Variants in MARVELD2 observed in about 807,000 individuals in gnomAD.
MARVELD2 encodes the protein MARVEL domain-containing protein 2.
Under a neutral mutation model 57.6 loss-of-function variants are expected in MARVELD2, and 49 were observed. The observed-to-expected ratio is 0.85, with a 90% CI of 0.68 to 1.08. The LOEUF (loss-of-function observed/expected upper bound fraction) is 1.08, where lower values mean the gene tolerates loss of function less well. Ranked by LOEUF, MARVELD2 falls within the 50% of genes least tolerant of loss-of-function variation. The probability of loss-of-function intolerance (pLI) is 0.00; values close to 1 mark genes in which losing one functional copy is unlikely to be tolerated. For synonymous variants in MARVELD2, 238 were observed against 258.8 expected (o/e 0.92, Z 0.77); for missense variants, 606 against 701.1 (o/e 0.86, Z 1.53).
chr5:69,427,402 T>A (rs1240947285), intron 3 of MARVELD2, among the ~76,000 whole-genome samples: 14 of 151,242 alleles, frequency 9.3e-5, no homozygotes, highest in Non-Finnish European at 2.9e-5. Flanking sequence ...CTATATCTTT[T>A]CCTTTTTTTT....
At chr5:69,424,937 A>C (rs1766738268) in intron 3 of MARVELD2, among the ~76,000 whole-genome samples, 2 of 152,070 alleles carry the variant, frequency 1.3e-5, no homozygotes, top group African/African-American at 4.8e-5. Flanking sequence ...AGGCACGAGA[A>C]CCACTTGAAT....
intron 3 of MARVELD2, 108 bp downstream of exon 3, chr5:69,424,744 G>T: frequency 1.1e-6 from 1 of 915,170 alleles, no homozygotes; most frequent in Non-Finnish European, 1.7e-6. Context: ...GTAGCTATTG[G>T]CCAGGTGTGG....
Position 69,419,900 on chromosome 5 carries a change from A to G in MARVELD2, c.515A>G (p.Tyr172Cys). 6.2e-7 allele frequency: 1 copy of G among 1,614,116 alleles called. No homozygotes were observed. Among genetic ancestry groups the G allele is most frequent in the South Asian group, 1.1e-5 (1 of 91,076 alleles). The change falls in exon 2 of 7, where the codon TAC (tyrosine) becomes TGC (cysteine). Residue 172 changes from tyrosine (Y) to cysteine (C), a missense_variant. By Grantham distance (194) the Tyr-to-Cys change is radical. Coordinates refer to ENST00000325631, the MANE Select transcript of MARVELD2 (RefSeq NM_001038603.3). Reference sequence around the variant, plus strand: ...CGACACACACAAACAGTTCGAACATACAGTGAGAAGGTGGAGGAGTATAAC... The same window carrying G: ...CGACACACACAAACAGTTCGAACATGCAGTGAGAAGGTGGAGGAGTATAAC... ...LDRHTQTVRT[Y>C]SEKVEEYNLR...
intron 6 of MARVELD2, among the ~76,000 whole-genome samples, 173 bp from the exon 7 acceptor site, chr5:69,441,358 TA>T (rs762019456): frequency 5.8e-4 from 85 of 146,386 alleles, no homozygotes; most frequent in Non-Finnish European, 6.9e-4. Context: ...AAAACTGCTC[TA>T]AAAAAAAAAG....
Position 69,420,694 on chromosome 5 carries a change from G to T in MARVELD2, c.1146+163G>T, listed in dbSNP as rs1255356480. 3.3e-5 allele frequency among the ~76,000 whole-genome samples: 5 copies of T among 149,714 alleles called. No homozygotes were observed. In the Admixed American group the frequency reaches 3.3e-4, roughly 10 times the overall value. ...AATGGTCTGAGATTCAAAAGTCCTA[G>T]TGCAATATCTGACATGCTTTGACTG... On this transcript the variant is annotated intron_variant, in intron 2 of 6. Coordinates refer to ENST00000325631, the MANE Select transcript of MARVELD2 (RefSeq NM_001038603.3).
At chr5:69,424,932 C>T (rs1186326759) in intron 3 of MARVELD2, among the ~76,000 whole-genome samples, 8 of 151,384 alleles carry the variant, frequency 5.3e-5, no homozygotes, top group Admixed American at 6.6e-5. Flanking sequence ...GGCTGAGGCA[C>T]GAGAACCACT....
chr5:69,438,582 C>T (rs1251675319), intron 5 of MARVELD2, among the ~76,000 whole-genome samples: 2 of 151,742 alleles, frequency 1.3e-5, no homozygotes, highest in East Asian at 3.9e-4. Context: ...ACTGCATCTA[C>T]ACACAAAAAA....
chr5:69,440,368 G>T, intron 5 of MARVELD2, 82 bp from the exon 6 acceptor site: 3 of 710,044 alleles, frequency 4.2e-6, no homozygotes, highest in Non-Finnish European at 7.4e-6. Flanking sequence ...ATTATTTTTT[G>T]TTCTAATTCT....
At chr5:69,416,077 C>T (rs974789127) in intron 1 of MARVELD2, among the ~76,000 whole-genome samples, 1 of 152,142 alleles carries the variant, frequency 6.6e-6, no homozygotes, top group Admixed American at 6.5e-5. Context: ...TTCAAATAAG[C>T]CACTTCACAG....
intron 3 of MARVELD2, among the ~76,000 whole-genome samples, chr5:69,431,055 A>G (rs1766947716): frequency 6.7e-6 from 1 of 150,318 alleles, no homozygotes; most frequent in Non-Finnish European, 1.5e-5. Context: ...TCAGCCTCCC[A>G]AAGTGTTAGG....
chr5:69,417,119 C>T (rs754626937), intron 1 of MARVELD2, among the ~76,000 whole-genome samples: 1 of 152,194 alleles, frequency 6.6e-6, no homozygotes, highest in Non-Finnish European at 1.5e-5. Context: ...AGGGCATTTG[C>T]GCTAGCTATT....
In MARVELD2 at chr5:69,419,408, G is replaced by C. The variant is rs1766526795; in HGVS notation, c.23G>C (p.Arg8Thr). MSNDGRS[R>T]NRDRRYDEVP... ...CAAATGTCAAATGATGGAAGATCCA[G>C]GAATCGGGACAGGCGCTACGATGAG... is the stretch of plus-strand genomic sequence containing the variant. The change falls in exon 2 of 7, where the codon AGG becomes ACG. Residue 8 changes from arginine (R) to threonine (T), a missense_variant. Arg to Thr is a moderately conservative substitution (Grantham distance 71). Transcript: ENST00000325631. 3.7e-6 allele frequency: 6 copies of C among 1,614,166 alleles called. No homozygotes were observed. The African/African-American group carries it at 4.0e-5, about 11-fold the overall frequency.
At chr5:69,426,213 C>T (rs1266049981) in intron 3 of MARVELD2, among the ~76,000 whole-genome samples, 1 of 151,312 alleles carries the variant, frequency 6.6e-6, no homozygotes, top group Non-Finnish European at 1.5e-5. Context: ...GCTGAGAGGA[C>T]TCAGTGAGAT....
chr5:69,418,288 C>T (rs1268684668), intron 1 of MARVELD2, among the ~76,000 whole-genome samples: 1 of 152,106 alleles, frequency 6.6e-6, no homozygotes, highest in Non-Finnish European at 1.5e-5. Context: ...ATAAACAATT[C>T]GAGAGAGAAA....
chr5:69,439,079 A>G (rs866594960), intron 5 of MARVELD2, among the ~76,000 whole-genome samples: 1,624 of 150,544 alleles, frequency 0.011, 26 homozygotes, highest in Middle Eastern at 0.021. Flanking sequence ...AAAAAAAAAA[A>G]AAGAAGAAGA....
chr5:69,434,644 T>C (rs1483673356), intron 5 of MARVELD2, among the ~76,000 whole-genome samples: 2 of 150,890 alleles, frequency 1.3e-5, no homozygotes, highest in Non-Finnish European at 2.9e-5. Context: ...CATTTTGAAA[T>C]AGGAATATTG....
intron 2 of MARVELD2, among the ~76,000 whole-genome samples, chr5:69,423,830 A>G (rs1014588143): frequency 5.9e-5 from 9 of 152,224 alleles, no homozygotes; most frequent in African/African-American, 1.4e-4. Flanking sequence ...AGTTATTTCT[A>G]AAAATGTGTC....
At chr5:69,432,002 G>A (rs1348558117) in intron 3 of MARVELD2, among the ~76,000 whole-genome samples, 2 of 149,850 alleles carry the variant, frequency 1.3e-5, no homozygotes, top group Non-Finnish European at 3.0e-5. Context: ...GACACACACC[G>A]CTGCATCTGC....
At chr5:69,434,320 C>T (rs992682661) in intron 5 of MARVELD2, among the ~76,000 whole-genome samples, 3 of 151,968 alleles carry the variant, frequency 2.0e-5, no homozygotes, top group African/African-American at 4.8e-5. Context: ...AAAAATTAGC[C>T]GGGCATGGTG....
Sources: gnomAD v4.1 joint callset for allele counts (sites outside exome capture counted in the v4.1 genomes callset) on GRCh38, gnomAD v4.1.1 for gene constraint, MANE v1.5 for transcripts, NCBI Gene and HGNC (gene_info 2026-07-23, HGNC 2026-07-21) for gene names.